Variants in KCTD16 observed in about 807,000 individuals in gnomAD.
KCTD16 encodes the protein BTB/POZ domain-containing protein KCTD16.
KCTD16 carries 13 observed loss-of-function variants against 33.2 expected under a neutral mutation model. The ratio of observed to expected loss-of-function variants is 0.39; its 90% CI spans 0.25 to 0.62. KCTD16 has a LOEUF of 0.62. Ranked by LOEUF, KCTD16 falls within the 20% of genes least tolerant of loss-of-function variation. The pLI is 0.50. For missense variants in KCTD16, 441 were observed against 525.1 expected, an observed-to-expected ratio of 0.84 and a Z score of 1.57; for synonymous variants, 197 against 195.3, an observed-to-expected ratio of 1.01 and a Z score of -0.07.
rs563323051 is a variant in KCTD16 at position 144,209,816 on chromosome 5, G to GTA, written c.832+2279_832+2280dup. Among the ~76,000 whole-genome samples, 276 of 143,618 alleles carry GTA rather than the reference G, an allele frequency of 1.9e-3. 1 individual carries two copies. Among genetic ancestry groups the GTA allele is most frequent in the African/African-American group, 6.9e-3 (267 of 38,732 alleles). The allele number at this position is 143,618 out of a possible 152,430, so 94.2% of individuals were successfully genotyped here. ...TATATATATATATATTTATATGTGT[G>GTA]TATATATATAAATATATATATATTT... On this transcript the variant is annotated intron_variant, in intron 3 of 3. Transcript: ENST00000512467.
At chr5:144,255,852 C>T (rs897874895) in intron 3 of KCTD16, among the ~76,000 whole-genome samples, 1 of 151,986 alleles carries the variant, frequency 6.6e-6, no homozygotes, top group African/African-American at 2.4e-5. Context: ...AAAATAAAAC[C>T]TTAGAGAATG....
At chr5:144,245,794 G>C (rs966704926) in intron 3 of KCTD16, among the ~76,000 whole-genome samples, 3 of 152,220 alleles carry the variant, frequency 2.0e-5, no homozygotes, top group Non-Finnish European at 4.4e-5. Context: ...TGAAGTGCTG[G>C]CTCCCCCTTC....
At chr5:144,181,560 T>C (rs970413093) in intron 2 of KCTD16, among the ~76,000 whole-genome samples, 1 of 152,172 alleles carries the variant, frequency 6.6e-6, no homozygotes, top group Non-Finnish European at 1.5e-5. Flanking sequence ...AAATTTGTTG[T>C]TGGTGGTGGT....
At chr5:144,259,257 C>CAAA (rs1166248798) in intron 3 of KCTD16, among the ~76,000 whole-genome samples, 14 of 48,410 alleles carry the variant, frequency 2.9e-4, no homozygotes, top group African/African-American at 3.7e-4. Context: ...GACTCCATCT[C>CAAA]AAAAAAAAAA....
chr5:144,465,496 G>A (rs1260304374), intron 3 of KCTD16, among the ~76,000 whole-genome samples: 1 of 151,980 alleles, frequency 6.6e-6, no homozygotes, highest in Non-Finnish European at 1.5e-5. Context: ...TTGTAAAAAT[G>A]AGGGCACTCG....
intron 3 of KCTD16, among the ~76,000 whole-genome samples, chr5:144,467,449 G>T (rs535352491): frequency 2.2e-4 from 33 of 152,218 alleles, no homozygotes; most frequent in Admixed American, 1.6e-3. Context: ...ATCTGTGTGT[G>T]CCCTGGAGCA....
At chr5:144,368,165 G>A (rs1247449163) in intron 3 of KCTD16, among the ~76,000 whole-genome samples, 4 of 151,948 alleles carry the variant, frequency 2.6e-5, no homozygotes, top group African/African-American at 9.7e-5. Flanking sequence ...CATAATTTTG[G>A]TCCCTTTGAC....
chr5:144,299,044 CTATA>C (rs10589565), intron 3 of KCTD16, among the ~76,000 whole-genome samples: 554 of 35,946 alleles, frequency 0.015, 36 homozygotes, highest in African/African-American at 0.049. Flanking sequence ...AAACAGATCA[CTATA>C]TATATATATA....
At chr5:144,213,008 A>G (rs1753446051) in intron 3 of KCTD16, among the ~76,000 whole-genome samples, 1 of 152,142 alleles carries the variant, frequency 6.6e-6, no homozygotes, top group Non-Finnish European at 1.5e-5. Flanking sequence ...GCTATGGTAT[A>G]TATTTCTAAA....
At chr5:144,246,642 T>G (rs1561541849) in intron 3 of KCTD16, among the ~76,000 whole-genome samples, 1 of 152,166 alleles carries the variant, frequency 6.6e-6, no homozygotes. Context: ...AATCACCAAA[T>G]GATAATTTAA....
chr5:144,391,767 G>A (rs1407844915), intron 3 of KCTD16, among the ~76,000 whole-genome samples: 1 of 152,202 alleles, frequency 6.6e-6, no homozygotes, highest in Non-Finnish European at 1.5e-5. Context: ...AAGGCATAAA[G>A]ACGTGTTTAA....
At chr5:144,366,579 T>C (rs1751838867) in intron 3 of KCTD16, among the ~76,000 whole-genome samples, 1 of 152,170 alleles carries the variant, frequency 6.6e-6, no homozygotes, top group Non-Finnish European at 1.5e-5. Flanking sequence ...GCAGGCAATC[T>C]ATGAAGCTTC....
At chr5:144,308,614 C>G (rs59983729) in intron 3 of KCTD16, among the ~76,000 whole-genome samples, 1 of 152,110 alleles carries the variant, frequency 6.6e-6, no homozygotes, top group South Asian at 2.1e-4. Context: ...CTTGACCTAT[C>G]ATTTGTGGAG....
At chr5:144,246,825 T>TC (rs145275548) in intron 3 of KCTD16, among the ~76,000 whole-genome samples, 1,702 of 152,258 alleles carry the variant, frequency 0.011, 33 homozygotes, top group African/African-American at 0.038. Context: ...GTGTCATTCC[T>TC]CCAACTCCCA....
At position 144,206,860 on chromosome 5, in the gene KCTD16, C is replaced by G. The variant is rs1380858908; in HGVS notation, c.146C>G (p.Ser49Cys). The change falls in exon 3 of 4, where the codon TCC (serine) becomes TGC (cysteine). Residue 49 changes from serine (S) to cysteine (C), a missense_variant. By Grantham distance (112) the Ser-to-Cys change is moderately radical. Around this residue, in one of 3 missense-constraint regions of KCTD16, gnomAD observed 80 missense variants for 88.5 expected, o/e 0.90. Coordinates refer to ENST00000512467, the MANE Select transcript of KCTD16 (RefSeq NM_020768.4). The stretch of plus-strand genomic sequence containing the variant: ...TCCACATTGATAAGCATCCCTCATT[C>G]CCTCCTGTGGAAAATGTTTTCCCCA... Reference protein sequence around the residue: ...RHSTLISIPHSLLWKMFSPKR... With the variant: ...RHSTLISIPHCLLWKMFSPKR... 2 of 1,614,022 alleles carry G rather than the reference C, an allele frequency of 1.2e-6. No individual in the cohort carries two copies.
chr5:144,369,110 C>A (rs891218638), intron 3 of KCTD16, among the ~76,000 whole-genome samples: 52 of 152,068 alleles, frequency 3.4e-4, no homozygotes, highest in African/African-American at 1.1e-3. Context: ...AGAAAAGGAG[C>A]CAGACAGCAG....
intron 3 of KCTD16, among the ~76,000 whole-genome samples, chr5:144,307,288 G>T (rs376520945): frequency 6.6e-6 from 1 of 152,030 alleles, no homozygotes; most frequent in African/African-American, 2.4e-5. Flanking sequence ...AGTTATCATC[G>T]TATAGTCTTT....
chr5:144,394,994 C>T (rs1045750235), intron 3 of KCTD16, among the ~76,000 whole-genome samples: 2 of 152,218 alleles, frequency 1.3e-5, no homozygotes, highest in Non-Finnish European at 2.9e-5. Context: ...CAGTGGTTCT[C>T]AAAGCCTGGT....
At chr5:144,414,396 T>C (rs1050665299) in intron 3 of KCTD16, among the ~76,000 whole-genome samples, 3 of 152,190 alleles carry the variant, frequency 2.0e-5, no homozygotes, top group African/African-American at 2.4e-5. Context: ...TGTGTGTTCC[T>C]GCAAAGTGTT....
Sources: gnomAD v4.1 joint callset for allele counts (sites outside exome capture counted in the v4.1 genomes callset) on GRCh38, gnomAD v4.1.1 for gene constraint, gnomAD v4.1.1 regional missense constraint, MANE v1.5 for transcripts, NCBI Gene and HGNC (gene_info 2026-07-23, HGNC 2026-07-21) for gene names.